KIAA1191: variants seen among roughly 807,000 people sequenced by gnomAD.
The protein encoded by KIAA1191 is KIAA1191, also known as putative monooxygenase p33MONOX.
In KIAA1191, 22 loss-of-function variants were observed where a neutral mutation model predicts 31.1. The ratio of observed to expected loss-of-function variants is 0.71; its 90% CI spans 0.51 to 1.01. The LOEUF is 1.01. Ranked by LOEUF, KIAA1191 falls within the 50% of genes least tolerant of loss-of-function variation. KIAA1191 has a pLI of 0.00. For missense variants in KIAA1191, 319 were observed against 388.0 expected (o/e 0.82, Z 1.49); for synonymous variants, 130 against 143.9 (o/e 0.90, Z 0.69).
At position 176,355,399 on chromosome 5, in the gene KIAA1191, T is replaced by C. The variant is rs1352985612; in HGVS notation, c.207+172A>G. Reference sequence around the variant, plus strand: ...GCTACTGATTTTTTTTTTAACAAAATAAATAAAATCTTAAAAAAAAAAAAA... The same window carrying C: ...GCTACTGATTTTTTTTTTAACAAAACAAATAAAATCTTAAAAAAAAAAAAA... On this transcript the variant is annotated intron_variant, in intron 4 of 8. Coordinates refer to ENST00000298569, the MANE Select transcript of KIAA1191 (RefSeq NM_020444.5). This position sits in a 1 kb window ranked among gnomAD's most constrained non-coding sequence, Gnocchi z 4.2. Among the ~76,000 whole-genome samples the C allele has an allele frequency of 9.2e-6, 1 of 108,172 alleles. No homozygotes were observed. The highest frequency in any genetic ancestry group is 1.0e-4 in the Admixed American group (1 of 9,956). The allele number at this position is 108,172 out of a possible 152,430, so 71.0% of individuals were successfully genotyped here.
rs1278087295 is a variant in KIAA1191, at chr5:176,347,368, A to AT, written c.*231dup. ...AGGCGCCCACCACCACGCCCAGCTA[A>AT]TTTTTGTATTTTTAGTAGAGACGGG... is the stretch of plus-strand genomic sequence containing the variant. On this transcript the variant is annotated 3_prime_UTR_variant, in exon 9 of 9. Transcript: ENST00000298569. The AT allele has an allele frequency of 3.8e-6, 1 of 261,450 alleles. No homozygotes were observed. 16.2% of individuals were successfully genotyped at this position (261,450 alleles called of 1,614,324 possible).
At chr5:176,350,761 C>T in intron 5 of KIAA1191, 24 bp from the exon 6 acceptor site, 2 of 1,612,348 alleles carry the variant, frequency 1.2e-6, no homozygotes, top group Non-Finnish European at 1.7e-6. Context: ...AGATGACAGT[C>T]ATGCCCATTC....
intron 6 of KIAA1191, 110 bp from the exon 7 acceptor site, chr5:176,348,466 T>C: frequency 2.8e-6 from 2 of 705,684 alleles, no homozygotes; most frequent in South Asian, 1.8e-5. Context: ...GCAGAAGACA[T>C]CTACAGGTGG....
At chr5:176,359,431 A>C in intron 3 of KIAA1191, 50 bp downstream of exon 3, 1 of 1,551,472 alleles carries the variant, frequency 6.4e-7, no homozygotes, top group Non-Finnish European at 8.9e-7. Context: ...GTCTAGCTTA[A>C]AACATTAATA....
intron 3 of KIAA1191, among the ~76,000 whole-genome samples, chr5:176,356,884 T>C (rs1006179909): frequency 1.3e-5 from 2 of 152,200 alleles, no homozygotes; most frequent in Admixed American, 6.5e-5. Flanking sequence ...ATTATTACTA[T>C]TGCTATTAGT....
chr5:176,350,878 G>T, intron 5 of KIAA1191, 141 bp from the exon 6 acceptor site: 1 of 1,018,490 alleles, frequency 9.8e-7, no homozygotes, highest in East Asian at 2.6e-5. Context: ...TCCCCAGAGA[G>T]GCACCACAGC....
At position 176,355,858 on chromosome 5, in the gene KIAA1191, G is replaced by A. The variant is rs1046417367; in HGVS notation, c.29-109C>T. Reference sequence around the variant, plus strand: ...TGAAATACTCTTGTTCTTGAACAGAGCAAAATAGCTTGTTTTGGAGTAGCT... The same window carrying A: ...TGAAATACTCTTGTTCTTGAACAGAACAAAATAGCTTGTTTTGGAGTAGCT... On this transcript the variant is annotated intron_variant, in intron 3 of 8. Coordinates refer to ENST00000298569, the MANE Select transcript of KIAA1191 (RefSeq NM_020444.5). The surrounding 1 kb of genome is among the most constrained non-coding windows in gnomAD (Gnocchi z 4.2). The A allele has an allele frequency of 1.1e-5, 12 of 1,101,486 alleles. No individual in the cohort carries two copies. Among genetic ancestry groups the A allele is most frequent in the Non-Finnish European group, 1.5e-5 (11 of 739,132 alleles). The allele number at this position is 1,101,486 out of a possible 1,614,324, so 68.2% of individuals were successfully genotyped here.
intron 3 of KIAA1191, 109 bp downstream of exon 3, chr5:176,359,372 T>C (rs1767795211): frequency 1.0e-6 from 1 of 969,254 alleles, no homozygotes; most frequent in South Asian, 1.4e-5. Context: ...AATACTCGCT[T>C]GGTAGCAGAG....
Position 176,355,806 on chromosome 5 carries a change from T to A in KIAA1191, c.29-57A>T. On this transcript the variant is annotated intron_variant, in intron 3 of 8. Coordinates refer to ENST00000298569, the MANE Select transcript of KIAA1191 (RefSeq NM_020444.5). This position sits in a 1 kb window ranked among gnomAD's most constrained non-coding sequence, Gnocchi z 4.2. Reference sequence around the variant, plus strand: ...CAGCAACTGGACATACTAGCAGCTTTAAATTAATCTACAGGAAGGAAAGCT... The same window carrying A: ...CAGCAACTGGACATACTAGCAGCTTAAAATTAATCTACAGGAAGGAAAGCT... The A allele has an allele frequency of 6.6e-7, 1 of 1,508,232 alleles. No individual in the cohort carries two copies. The highest frequency in any genetic ancestry group is 9.2e-7 in the Non-Finnish European group (1 of 1,085,126). 93.4% of individuals were successfully genotyped at this position (1,508,232 alleles called of 1,614,324 possible).
At chr5:176,348,435 TG>T (rs749292066) in intron 6 of KIAA1191, 79 bp from the exon 7 acceptor site, 2 of 1,057,888 alleles carry the variant, frequency 1.9e-6, no homozygotes, top group Non-Finnish European at 2.8e-6. Context: ...ATAAAAAATT[TG>T]GTTCGCATTC....
At chr5:176,350,831 A>G in intron 5 of KIAA1191, 94 bp from the exon 6 acceptor site, 1 of 1,464,812 alleles carries the variant, frequency 6.8e-7, no homozygotes, top group East Asian at 2.3e-5. Flanking sequence ...CCCCAGAAGC[A>G]AGAGACCACA....
intron 5 of KIAA1191, 39 bp from the exon 6 acceptor site, chr5:176,350,776 C>A: frequency 6.2e-7 from 1 of 1,609,860 alleles, no homozygotes. Flanking sequence ...CCATTCCCCT[C>A]TCCCATCACA....
intron 3 of KIAA1191, among the ~76,000 whole-genome samples, chr5:176,357,872 A>G (rs868055588): frequency 1.3e-5 from 2 of 152,236 alleles, no homozygotes; most frequent in African/African-American, 4.8e-5. Context: ...AAAGTCAGCT[A>G]GTATTTACTG....
chr5:176,350,586 G>GT, intron 6 of KIAA1191, 27 bp downstream of exon 6: 1 of 1,609,226 alleles, frequency 6.2e-7, no homozygotes, highest in East Asian at 2.2e-5. Context: ...TGAAGGTTTT[G>GT]TTTTTTCAAA....
At chr5:176,358,933 A>C (rs1581378400) in intron 3 of KIAA1191, among the ~76,000 whole-genome samples, 1 of 151,488 alleles carries the variant, frequency 6.6e-6, no homozygotes, top group South Asian at 2.1e-4. Flanking sequence ...AAATACAAAA[A>C]ATTAGCTGGG....
chr5:176,352,017 TTTAG>T (rs1767055515), intron 5 of KIAA1191, among the ~76,000 whole-genome samples: 1 of 151,664 alleles, frequency 6.6e-6, no homozygotes, highest in African/African-American at 2.4e-5. Context: ...AATGAAGAAG[TTTAG>T]TTAGCTTGTT....
rs757251750 is a variant in KIAA1191 at position 176,348,268 on chromosome 5, G to T, written c.548C>A (p.Ser183Ter). 6.2e-7 allele frequency: 1 copy of T among 1,613,830 alleles called. No individual in the cohort carries two copies. The highest frequency in any genetic ancestry group is 8.5e-7 in the Non-Finnish European group (1 of 1,179,926). ...GGCTCACCTGGGCCTCTGCTTAGGTGAAGAGTGCGGAGTGGTGCTTGGGGT... is the reference window on the plus strand; with the variant it reads ...GGCTCACCTGGGCCTCTGCTTAGGTTAAGAGTGCGGAGTGGTGCTTGGGGT... ...QSTPSTTPHS[S>*]PKQRPRGWFT... is the part of the protein sequence containing the mutation. The change falls in exon 7 of 9, where the codon TCA becomes TAA. Residue 183 changes from serine to a stop codon, truncating the protein, a stop_gained. Transcript: ENST00000298569. LOFTEE classifies it high-confidence loss of function.
rs1766539762 is a variant in KIAA1191, at chr5:176,346,746, G to GACTC, written c.*850_*853dup. On this transcript the variant is annotated 3_prime_UTR_variant, in exon 9 of 9. Transcript: ENST00000298569. ...CATTAGGTCTGCCAAAAAGCAGGGG[G>GACTC]ACTCAAGGTTCAGCCTAGAAAGAGG... 1 of 152,230 alleles carries GACTC rather than the reference G, an allele frequency of 6.6e-6. No homozygotes were observed. Among genetic ancestry groups the GACTC allele is most frequent in the Admixed American group, 6.5e-5 (1 of 15,284 alleles). The allele number at this position is 152,230 out of a possible 1,614,324, so 9.4% of individuals were successfully genotyped here.
At chr5:176,348,441 G>A (rs1429983271) in intron 6 of KIAA1191, 85 bp from the exon 7 acceptor site, 10 of 957,048 alleles carry the variant, frequency 1.0e-5, no homozygotes, top group East Asian at 7.8e-5. Context: ...AATTTGGTTC[G>A]CATTCTAACT....
Sources: allele counts gnomAD v4.1 joint callset (sites outside exome capture counted in the v4.1 genomes callset), GRCh38; gene constraint gnomAD v4.1.1; non-coding constraint Gnocchi (gnomAD v3.1); transcripts MANE v1.5; gene names NCBI Gene and HGNC (gene_info 2026-07-23, HGNC 2026-07-21).